Variants in FAM184B observed in about 807,000 individuals in gnomAD.
FAM184B encodes protein FAM184B.
FAM184B carries 111 observed loss-of-function variants against 135.9 expected under a neutral mutation model. The observed-to-expected ratio is 0.82, with a 90% CI of 0.70 to 0.96. FAM184B has a LOEUF of 0.96. Among genes scored for constraint, FAM184B ranks in the 40% least tolerant of loss-of-function variants. The pLI is 0.00. For synonymous variants in FAM184B, 552 were observed against 524.8 expected (o/e 1.05, Z -0.71); for missense variants, 1,375 against 1,323.9 (o/e 1.04, Z -0.60).
At chr4:17,747,695 G>A (rs1161397874) in intron 1 of FAM184B, among the ~76,000 whole-genome samples, 5 of 152,012 alleles carry the variant, frequency 3.3e-5, no homozygotes, top group Non-Finnish European at 7.4e-5. Flanking sequence ...GCCGAGGCGG[G>A]CGGATCATGA....
At chr4:17,723,710 G>C (rs186758278) in intron 1 of FAM184B, among the ~76,000 whole-genome samples, 9 of 152,298 alleles carry the variant, frequency 5.9e-5, no homozygotes, top group Admixed American at 5.9e-4. Flanking sequence ...TGGAGAAAAT[G>C]ATTCCAGAAA....
chr4:17,717,220 G>A (rs930258074), intron 1 of FAM184B, among the ~76,000 whole-genome samples: 2 of 152,160 alleles, frequency 1.3e-5, no homozygotes, highest in Non-Finnish European at 2.9e-5. Flanking sequence ...GGATCAAATA[G>A]GGTAATATAT....
intron 5 of FAM184B, among the ~76,000 whole-genome samples, chr4:17,704,556 G>A (rs180708925): frequency 1.3e-5 from 2 of 152,356 alleles, no homozygotes; most frequent in East Asian, 3.9e-4. Flanking sequence ...CCTGAGGCAT[G>A]TGGAATTGCC....
chr4:17,640,560 T>C (rs1192784367), intron 13 of FAM184B, among the ~76,000 whole-genome samples: 1 of 135,496 alleles, frequency 7.4e-6, no homozygotes, highest in Non-Finnish European at 1.6e-5. Context: ...CAGGGTTCAG[T>C]GTACACAGCT....
At chr4:17,644,475 C>A (rs139033854) in intron 12 of FAM184B, among the ~76,000 whole-genome samples, 17 of 151,984 alleles carry the variant, frequency 1.1e-4, no homozygotes, top group Non-Finnish European at 1.8e-4. Context: ...ACAGAACCAA[C>A]GACAAAAACC....
Position 17,720,203 on chromosome 4 carries a change from G to A in FAM184B, c.142-10559C>T, listed in dbSNP as rs188255104. On this transcript the variant is annotated intron_variant, in intron 1 of 17. Transcript: ENST00000265018. The stretch of plus-strand genomic sequence containing the variant: ...ACCAGGCTGGACCTGCCACCTGAAC[G>A]TCATACTCATGTATTCTGTTGCTTA... Among the ~76,000 whole-genome samples the A allele has an allele frequency of 4.0e-3, 606 of 152,222 alleles. 8 individuals carry two copies. The highest frequency in any genetic ancestry group is 0.014 in the African/African-American group (565 of 41,522).
At chr4:17,770,302 T>C (rs1718785591) in intron 1 of FAM184B, among the ~76,000 whole-genome samples, 1 of 152,212 alleles carries the variant, frequency 6.6e-6, no homozygotes, top group African/African-American at 2.4e-5. Flanking sequence ...ACAAGGCCAG[T>C]GCGGGCGTCA....
rs1719035245 is a variant in FAM184B, at chr4:17,781,531, C to T, written c.-232G>A. 4 of 463,290 alleles carry T rather than the reference C, an allele frequency of 8.6e-6. No individual in the cohort carries two copies. The highest frequency in any genetic ancestry group is 4.0e-5 in the South Asian group (1 of 25,070). 28.7% of individuals were successfully genotyped at this position (463,290 alleles called of 1,614,324 possible). A position where few individuals can be genotyped will look rare whatever the true frequency, so the allele number is the denominator to read the frequency against. On this transcript the variant is annotated 5_prime_UTR_variant, in exon 1 of 18. Transcript: ENST00000265018. The surrounding 1 kb of genome is among the most constrained non-coding windows in gnomAD (Gnocchi z 6.5). Reference sequence around the variant, plus strand: ...CTGGTTCTCTGGCTGGCTGGCTCCGCGGGCACCCGCACCCTGCGGCGAGGC... The same window carrying T: ...CTGGTTCTCTGGCTGGCTGGCTCCGTGGGCACCCGCACCCTGCGGCGAGGC...
intron 1 of FAM184B, among the ~76,000 whole-genome samples, chr4:17,724,731 T>G (rs1238940135): frequency 6.6e-6 from 1 of 152,220 alleles, no homozygotes; most frequent in African/African-American, 2.4e-5. Flanking sequence ...GAATTCAACC[T>G]CGCATAAAGC....
chr4:17,669,947 A>G (rs921072655), intron 7 of FAM184B, among the ~76,000 whole-genome samples: 5 of 152,202 alleles, frequency 3.3e-5, no homozygotes, highest in African/African-American at 1.2e-4. Context: ...TTACTACCAC[A>G]TCAAGAATAT....
intron 7 of FAM184B, among the ~76,000 whole-genome samples, chr4:17,668,644 T>C (rs1716105559): frequency 6.6e-6 from 1 of 152,196 alleles, no homozygotes; most frequent in Non-Finnish European, 1.5e-5. Context: ...GTGAGTCTCC[T>C]GCCTCAGCCT....
rs1480931146 is a variant in FAM184B at position 17,658,566 on chromosome 4, C to T, written c.1825-4G>A. On this transcript the variant is annotated splice_polypyrimidine_tract_variant and splice_region_variant and intron_variant, in intron 9 of 17. Coordinates refer to ENST00000265018, the MANE Select transcript of FAM184B (RefSeq NM_015688.2). Reference sequence around the variant, plus strand: ...GAGCCTGCTGCATCTGTGAGACCTGCGCACAAGGCATCCTGCCCTCAGTCT... The same window carrying T: ...GAGCCTGCTGCATCTGTGAGACCTGTGCACAAGGCATCCTGCCCTCAGTCT... 9 of 1,549,924 alleles carry T rather than the reference C, an allele frequency of 5.8e-6. No individual in the cohort carries two copies. The highest frequency in any genetic ancestry group is 3.7e-4 in the Middle Eastern group (2 of 5,334).
chr4:17,632,250 T>C lies in FAM184B; in HGVS notation c.*282A>G, dbSNP rs1365373834. Reference sequence around the variant, plus strand: ...CCACCATGCCTGGCTAATTTTTGTATATTTTGTAGAGATGGGGTTTCACCA... The same window carrying C: ...CCACCATGCCTGGCTAATTTTTGTACATTTTGTAGAGATGGGGTTTCACCA... On this transcript the variant is annotated 3_prime_UTR_variant, in exon 18 of 18. Transcript: ENST00000265018. 5.4e-6 allele frequency: 1 copy of C among 186,366 alleles called. No homozygotes were observed. Among genetic ancestry groups the C allele is most frequent in the Non-Finnish European group, 1.1e-5 (1 of 88,786 alleles). The allele number at this position is 186,366 out of a possible 1,614,324, so 11.5% of individuals were successfully genotyped here.
At chr4:17,743,464 G>A (rs1316399312) in intron 1 of FAM184B, among the ~76,000 whole-genome samples, 1 of 152,190 alleles carries the variant, frequency 6.6e-6, no homozygotes, top group Non-Finnish European at 1.5e-5. Flanking sequence ...TAGTCAGGGA[G>A]ACCAGTGAGG....
rs932158528 is a variant in FAM184B at position 17,636,618 on chromosome 4, C to G, written c.2694G>C (p.Gly898=). Residue 898 remains glycine (G), a synonymous_variant, in exon 15 of 18, where the codon GGG becomes GGC. Coordinates refer to ENST00000265018, the MANE Select transcript of FAM184B (RefSeq NM_015688.2). ...GGTCCTCGGGCCTGGACGCTCCCTT[C>G]CCTGGCTTCTCTCCGGAATCTTTCA... ...AELKDSGEKP[G]KGASRPEDLQ... 7 of 1,550,402 alleles carry G rather than the reference C, an allele frequency of 4.5e-6. No homozygotes were observed. The African/African-American group carries it at 9.6e-5, about 21-fold the overall frequency.
At chr4:17,656,385 T>C (rs1293526939) in intron 10 of FAM184B, among the ~76,000 whole-genome samples, 4 of 151,682 alleles carry the variant, frequency 2.6e-5, no homozygotes, top group African/African-American at 7.3e-5. Context: ...CCATGTGCAT[T>C]ATTTCCTTTC....
At chr4:17,767,465 G>A (rs534560736) in intron 1 of FAM184B, among the ~76,000 whole-genome samples, 5 of 152,350 alleles carry the variant, frequency 3.3e-5, no homozygotes, top group African/African-American at 1.2e-4. Flanking sequence ...AGAAAACCTG[G>A]TATCAAATTA....
chr4:17,648,673 A>G (rs1715531206), intron 11 of FAM184B, among the ~76,000 whole-genome samples: 1 of 151,904 alleles, frequency 6.6e-6, no homozygotes, highest in Non-Finnish European at 1.5e-5. Context: ...CTTAAGACAA[A>G]ATGTTCACAG....
intron 12 of FAM184B, among the ~76,000 whole-genome samples, chr4:17,643,825 CTGGGAGTGGGGG>C: frequency 6.6e-6 from 1 of 152,276 alleles, no homozygotes; most frequent in East Asian, 1.9e-4. Flanking sequence ...CTGCTGAGGG[CTGGGAGTGGGGG>C]TGGGGAGGCG....
Sources: allele counts gnomAD v4.1 joint callset (sites outside exome capture counted in the v4.1 genomes callset), GRCh38; gene constraint gnomAD v4.1.1; non-coding constraint Gnocchi (gnomAD v3.1); transcripts MANE v1.5; gene names NCBI Gene and HGNC (gene_info 2026-07-23, HGNC 2026-07-21).